Variants in FRMPD4 observed in about 807,000 individuals in gnomAD.
The protein encoded by FRMPD4 is FERM and PDZ domain-containing protein 4.
Under a neutral mutation model 94.1 loss-of-function variants are expected in FRMPD4, and 22 were observed. That is an observed-to-expected ratio of 0.23 (90% CI 0.17 to 0.33). The LOEUF (loss-of-function observed/expected upper bound fraction) is 0.33. Ranked by LOEUF, FRMPD4 falls within the 10% of genes least tolerant of loss-of-function variation. The pLI is 1.00. For synonymous variants in FRMPD4, 631 were observed against 548.6 expected (o/e 1.15, Z -2.10); for missense variants, 1,111 against 1,339.9 (o/e 0.83, Z 2.67).
chrX:11,932,102 T>C (rs929965020), intron 3 of FRMPD4, among the ~76,000 whole-genome samples: 1 of 111,838 alleles, frequency 8.9e-6, no homozygotes, highest in Non-Finnish European at 1.9e-5. Context: ...ACCACAATGC[T>C]AGGCCCGGGG....
At chrX:12,218,431 AG>A (rs2056830367) in intron 1 of FRMPD4, among the ~76,000 whole-genome samples, 1 of 111,786 alleles carries the variant, frequency 8.9e-6, no homozygotes, top group Admixed American at 9.5e-5. Context: ...TGTGCAAAGT[AG>A]GGGTGAATGT....
chrX:12,089,044 T>C (rs2055133251), intron 3 of FRMPD4, among the ~76,000 whole-genome samples: 1 of 112,425 alleles, frequency 8.9e-6, no homozygotes, highest in Non-Finnish European at 1.9e-5. Flanking sequence ...ATATATGCTA[T>C]ATATAAATGC....
At chrX:12,081,507 A>G (rs1195336757) in intron 3 of FRMPD4, among the ~76,000 whole-genome samples, 2 of 111,293 alleles carry the variant, frequency 1.8e-5, no homozygotes, top group Admixed American at 1.9e-4. Flanking sequence ...TACTCTATGT[A>G]CTTAACAGAG....
At chrX:11,846,722 C>T (rs6640795) in intron 1 of FRMPD4, among the ~76,000 whole-genome samples, 6,336 of 105,720 alleles carry the variant, frequency 0.06, 227 homozygotes, top group East Asian at 0.14. Context: ...TCAGAAATAA[C>T]GCCACATATC....
At chrX:12,282,202 C>T (rs2054536315) in intron 1 of FRMPD4, among the ~76,000 whole-genome samples, 2 of 111,615 alleles carry the variant, frequency 1.8e-5, no homozygotes, top group Admixed American at 9.4e-5. Context: ...TTTCCTTGAC[C>T]CATGGACCCT....
At chrX:11,860,441 A>G (rs1382524261) in intron 1 of FRMPD4, among the ~76,000 whole-genome samples, 6 of 112,018 alleles carry the variant, frequency 5.4e-5, no homozygotes, top group Non-Finnish European at 1.1e-4. Context: ...TCCCTTGCTA[A>G]GCAGAATTTT....
intron 1 of FRMPD4, among the ~76,000 whole-genome samples, chrX:12,235,705 G>A (rs1002515748): frequency 3.6e-5 from 4 of 111,919 alleles, no homozygotes; most frequent in Admixed American, 9.5e-5. Context: ...ATGCAGTATC[G>A]TACCTTTATC....
chrX:11,832,491 A>G (rs1488351141), intron 1 of FRMPD4, among the ~76,000 whole-genome samples: 2 of 111,288 alleles, frequency 1.8e-5, no homozygotes, highest in Admixed American at 1.9e-4. Flanking sequence ...CCATTGGATG[A>G]CCTTTAAAAT....
chrX:11,976,939 T>C (rs2054370490), intron 3 of FRMPD4, among the ~76,000 whole-genome samples: 1 of 112,136 alleles, frequency 8.9e-6, no homozygotes, highest in African/African-American at 3.2e-5. Context: ...CATCTGATTT[T>C]TATTTTAATT....
At chrX:12,002,490 C>T (rs183559829) in intron 3 of FRMPD4, among the ~76,000 whole-genome samples, 14 of 112,160 alleles carry the variant, frequency 1.2e-4, no homozygotes, top group Non-Finnish European at 2.1e-4. Flanking sequence ...TGTTAGAAGT[C>T]AAAGGTGACC....
chrX:12,207,909 G>C (rs1344189557), intron 1 of FRMPD4, among the ~76,000 whole-genome samples: 1 of 111,793 alleles, frequency 8.9e-6, no homozygotes, highest in Non-Finnish European at 1.9e-5. Flanking sequence ...CCTGGTTCTA[G>C]GAAGACAGAG....
At chrX:12,603,753 T>C (rs60833200) in intron 2 of FRMPD4, among the ~76,000 whole-genome samples, 1 of 106,291 alleles carries the variant, frequency 9.4e-6, no homozygotes, top group African/African-American at 3.4e-5. Flanking sequence ...GTTCAGCAGG[T>C]AAAAAAAAAA....
In FRMPD4 at chrX:12,673,038, C is replaced by A. The variant is rs1000774536; in HGVS notation, c.423-1825C>A. Among the ~76,000 whole-genome samples the A allele has an allele frequency of 3.6e-5, 4 of 111,552 alleles. No individual in the cohort carries two copies. In the South Asian group the frequency reaches 1.5e-3, roughly 43 times the overall value. ...GTCGTGAATGTGACTTGGCTCCCAA[C>A]TCTCTTAGTCTCTGTGTCTCTAAGT... is the stretch of plus-strand genomic sequence containing the variant. On this transcript the variant is annotated intron_variant, in intron 4 of 16. Coordinates refer to ENST00000675598, the MANE Select transcript of FRMPD4 (RefSeq NM_001368397.1).
At chrX:12,706,380 C>T (rs773242036) in intron 11 of FRMPD4, among the ~76,000 whole-genome samples, 40 of 111,624 alleles carry the variant, frequency 3.6e-4, no homozygotes, top group Non-Finnish European at 6.8e-4. Context: ...ATTGCAGGTG[C>T]GTATTCAAAA....
At chrX:12,325,386 C>A (rs1218088333) in intron 1 of FRMPD4, among the ~76,000 whole-genome samples, 1 of 112,455 alleles carries the variant, frequency 8.9e-6, no homozygotes, top group Non-Finnish European at 1.9e-5. Flanking sequence ...AAAATGTAAT[C>A]CAACTGCATT....
chrX:12,527,200 C>G (rs2148282381), intron 2 of FRMPD4, among the ~76,000 whole-genome samples: 1 of 111,647 alleles, frequency 9.0e-6, no homozygotes, highest in South Asian at 3.8e-4. Context: ...CTGTGGGGGC[C>G]TCACATTCCT....
rs1052620461 is a variant in FRMPD4, at chrX:12,203,777, T to C, written c.41+64765T>C. Among the ~76,000 whole-genome samples, 9 of 111,997 alleles carry C rather than the reference T, an allele frequency of 8.0e-5. No homozygotes were observed. In the South Asian group the frequency reaches 1.1e-3, roughly 14 times the overall value. On this transcript the variant is annotated intron_variant, in intron 1 of 16. Transcript: ENST00000675598. ...AACAATACCTTCAAATGCATTTTTT[T>C]CCCCCAGGACAATTTGTACTTTCAC...
intron 4 of FRMPD4, among the ~76,000 whole-genome samples, chrX:12,668,205 C>T (rs766642006): frequency 4.9e-4 from 47 of 96,845 alleles, no homozygotes; most frequent in Non-Finnish European, 8.7e-4. Context: ...TTTGTTTTTC[C>T]TCCTAGGATC....
chrX:12,231,032 A>G (rs1368442521), intron 1 of FRMPD4, among the ~76,000 whole-genome samples: 19 of 59,293 alleles, frequency 3.2e-4, no homozygotes, highest in African/African-American at 1.2e-3. Flanking sequence ...TATATATAGT[A>G]TATATATATA....
Sources: allele counts gnomAD v4.1 joint callset (sites outside exome capture counted in the v4.1 genomes callset), GRCh38; gene constraint gnomAD v4.1.1; transcripts MANE v1.5; gene names NCBI Gene and HGNC (gene_info 2026-07-23, HGNC 2026-07-21).